Variants in DPH6 observed in about 807,000 individuals in gnomAD.
DPH6 encodes diphthine--ammonia ligase.
DPH6 carries 33 observed loss-of-function variants against 38.2 expected under a neutral mutation model. The observed-to-expected ratio is 0.86, with a 90% CI of 0.65 to 1.15. DPH6 has a LOEUF of 1.15. Ranked by LOEUF, DPH6 falls within the 50% of genes most tolerant of loss-of-function variation. The pLI is 0.00. For missense variants in DPH6, 325 were observed against 320.0 expected (o/e 1.02, Z -0.12); for synonymous variants, 108 against 103.0 (o/e 1.05, Z -0.30).
At chr15:35,490,529 AT>A (rs1234037858) in intron 3 of DPH6, among the ~76,000 whole-genome samples, 1 of 152,110 alleles carries the variant, frequency 6.6e-6, no homozygotes, top group Non-Finnish European at 1.5e-5. Flanking sequence ...CATTCATGCT[AT>A]TTTACTTAGA....
At chr15:35,334,534 T>C (rs1595484255) in intron 3 of DPH6, among the ~76,000 whole-genome samples, 1 of 151,976 alleles carries the variant, frequency 6.6e-6, no homozygotes, top group Admixed American at 6.6e-5. Context: ...TTAGGTATTC[T>C]TCCTAATGCT....
intron 3 of DPH6, among the ~76,000 whole-genome samples, chr15:35,227,276 C>T (rs1342331495): frequency 6.0e-5 from 9 of 150,028 alleles, no homozygotes; most frequent in Non-Finnish European, 8.9e-5. Context: ...CTCCGCCTCC[C>T]GGGTTCATGC....
intron 3 of DPH6, among the ~76,000 whole-genome samples, chr15:35,283,542 G>A (rs778824581): frequency 2.6e-5 from 4 of 151,896 alleles, no homozygotes; most frequent in Non-Finnish European, 2.9e-5. Flanking sequence ...ATGATCCGCC[G>A]CTTTGGCCTC....
chr15:35,385,113 AAAC>A (rs1253342583), intron 6 of DPH6, among the ~76,000 whole-genome samples: 1 of 152,226 alleles, frequency 6.6e-6, no homozygotes, highest in African/African-American at 2.4e-5. Flanking sequence ...ACAAGTCAGG[AAAC>A]AACAGATGCT....
At chr15:35,487,099 C>T (rs2054413031) in intron 3 of DPH6, among the ~76,000 whole-genome samples, 1 of 152,196 alleles carries the variant, frequency 6.6e-6, no homozygotes. Flanking sequence ...AGCTCTACCC[C>T]TGTGGATCTG....
chr15:35,406,016 C>T (rs73378740), intron 6 of DPH6, among the ~76,000 whole-genome samples: 179 of 151,990 alleles, frequency 1.2e-3, no homozygotes, highest in African/African-American at 4.0e-3. Context: ...TTTTCACGCA[C>T]GTATCGCATG....
intron 3 of DPH6, among the ~76,000 whole-genome samples, chr15:35,516,108 T>A (rs1196664941): frequency 5.9e-5 from 9 of 152,142 alleles, no homozygotes; most frequent in Non-Finnish European, 1.0e-4. Flanking sequence ...ATCATATTCA[T>A]CACTGCCAAA....
At chr15:35,222,033 T>G (rs1356859549) in intron 3 of DPH6, among the ~76,000 whole-genome samples, 1 of 152,194 alleles carries the variant, frequency 6.6e-6, no homozygotes, top group Non-Finnish European at 1.5e-5. Flanking sequence ...TGGCCTTAAC[T>G]CTAGTTTCCA....
At chr15:35,491,386 G>T (rs1218326035) in intron 3 of DPH6, among the ~76,000 whole-genome samples, 1 of 151,996 alleles carries the variant, frequency 6.6e-6, no homozygotes, top group African/African-American at 2.4e-5. Context: ...TTTCTACAAT[G>T]GAGACTGTTA....
chr15:35,177,222 C>A, the DPH6 span, among the ~76,000 whole-genome samples: 1 of 151,964 alleles, frequency 6.6e-6, no homozygotes, highest in Non-Finnish European at 1.5e-5. Context: ...TACATTTCTA[C>A]CGAGACTTCA....
intron 3 of DPH6, among the ~76,000 whole-genome samples, chr15:35,273,908 T>C (rs1044960632): frequency 1.3e-5 from 2 of 152,190 alleles, no homozygotes; most frequent in African/African-American, 4.8e-5. Context: ...AAAACTACTT[T>C]AAATTTCATA....
In DPH6 at chr15:35,449,522, G is replaced by A. The variant is rs751861548; in HGVS notation, c.505+1163C>T. ...TGTGTACCTTTCAGTGAGACGTCAC[G>A]TGAACTTCATTATGGAATTATGTAA... On this transcript the variant is annotated intron_variant, in intron 5 of 8. Coordinates refer to ENST00000256538, the MANE Select transcript of DPH6 (RefSeq NM_080650.4). 5.2e-4 allele frequency among the ~76,000 whole-genome samples: 79 copies of A among 152,040 alleles called. 1 individual carries two copies. Among genetic ancestry groups the A allele is most frequent in the Admixed American group, 1.0e-3 (16 of 15,278 alleles).
intron 3 of DPH6, among the ~76,000 whole-genome samples, chr15:35,343,753 A>T (rs1595490212): frequency 1.3e-5 from 2 of 152,148 alleles, no homozygotes; most frequent in Admixed American, 1.3e-4. Context: ...TCAATAAGAG[A>T]AAAATAATCT....
chr15:35,365,340 T>A (rs960778587), intron 3 of DPH6, among the ~76,000 whole-genome samples: 2 of 152,152 alleles, frequency 1.3e-5, no homozygotes, highest in African/African-American at 4.8e-5. Context: ...TTTTTAACTG[T>A]TCAGTTCACT....
intron 5 of DPH6, among the ~76,000 whole-genome samples, chr15:35,420,052 A>C (rs1001927812): frequency 1.3e-5 from 2 of 152,212 alleles, no homozygotes; most frequent in Admixed American, 6.5e-5. Flanking sequence ...AAAAAGTCTT[A>C]ACACATTTAA....
chr15:35,351,482 CTCT>C (rs2052510217), intron 3 of DPH6, among the ~76,000 whole-genome samples: 1 of 152,062 alleles, frequency 6.6e-6, no homozygotes, highest in East Asian at 1.9e-4. Context: ...TCTTGCTCCT[CTCT>C]TCTTCTCATG....
At chr15:35,224,795 T>G (rs1013607896) in intron 3 of DPH6, among the ~76,000 whole-genome samples, 1 of 152,218 alleles carries the variant, frequency 6.6e-6, no homozygotes, top group Non-Finnish European at 1.5e-5. Flanking sequence ...AATAGATTTT[T>G]AAGGACACTT....
intron 6 of DPH6, among the ~76,000 whole-genome samples, chr15:35,391,203 G>T (rs1479667384): frequency 6.6e-6 from 1 of 152,174 alleles, no homozygotes; most frequent in Non-Finnish European, 1.5e-5. Flanking sequence ...TCCTCTGGAA[G>T]TTTTTTCTCA....
At chr15:35,153,911 T>C in the DPH6 span, among the ~76,000 whole-genome samples, 1 of 151,880 alleles carries the variant, frequency 6.6e-6, no homozygotes, top group East Asian at 1.9e-4. Context: ...ACCCAAGAGA[T>C]AAAGAAAACC....
Sources: allele counts gnomAD v4.1 joint callset (sites outside exome capture counted in the v4.1 genomes callset), GRCh38; gene constraint gnomAD v4.1.1; transcripts MANE v1.5; gene names NCBI Gene and HGNC (gene_info 2026-07-23, HGNC 2026-07-21).